LGR5: variants seen among roughly 807,000 people sequenced by gnomAD.
The protein encoded by LGR5 is leucine rich repeat containing G protein-coupled receptor 5.
A neutral mutation model predicts 76.7 loss-of-function variants in LGR5; 54 were observed. The observed-to-expected ratio is 0.70, with a 90% CI of 0.57 to 0.88. LGR5 has a LOEUF of 0.88. Among genes scored for constraint, LGR5 ranks in the 40% least tolerant of loss-of-function variants. The pLI, the probability that LGR5 is intolerant of heterozygous loss-of-function variation, is 0.00. For synonymous variants in LGR5, 406 were observed against 421.9 expected (o/e 0.96, Z 0.46); for missense variants, 1,078 against 1,073.3 (o/e 1.00, Z -0.06).
intron 3 of LGR5, among the ~76,000 whole-genome samples, chr12:71,525,997 T>C (rs1875984152): frequency 6.6e-6 from 1 of 152,060 alleles, no homozygotes; most frequent in Admixed American, 6.6e-5. Context: ...TTTCCCACAA[T>C]GCACTAAAGA....
At chr12:71,533,553 C>T (rs1876436180) in intron 3 of LGR5, among the ~76,000 whole-genome samples, 1 of 152,114 alleles carries the variant, frequency 6.6e-6, no homozygotes, top group South Asian at 2.1e-4. Flanking sequence ...CTTCCAATGG[C>T]TTCTGATGAA....
At chr12:71,475,562 C>T (rs2137250514) in intron 1 of LGR5, among the ~76,000 whole-genome samples, 1 of 152,200 alleles carries the variant, frequency 6.6e-6, no homozygotes, top group African/African-American at 2.4e-5. Flanking sequence ...ATTGTAGTTT[C>T]TGCAGAACAG....
intron 2 of LGR5, among the ~76,000 whole-genome samples, chr12:71,523,537 C>T (rs1346462609): frequency 6.6e-6 from 1 of 152,162 alleles, no homozygotes; most frequent in African/African-American, 2.4e-5. Context: ...CAGTTCTACT[C>T]ACCAGTCTCA....
At chr12:71,570,659 T>G (rs1364974555) in intron 11 of LGR5, among the ~76,000 whole-genome samples, 1 of 152,196 alleles carries the variant, frequency 6.6e-6, no homozygotes, top group Non-Finnish European at 1.5e-5. Context: ...CAGCTTCATT[T>G]GTACTATTTA....
chr12:71,571,603 A>C (rs200572559), intron 12 of LGR5, 24 bp downstream of exon 12: 23 of 1,554,304 alleles, frequency 1.5e-5, no homozygotes, highest in Non-Finnish European at 1.9e-5. Context: ...TCTCTAAGTC[A>C]CCTAGCAAAA....
At chr12:71,561,971 A>C in intron 8 of LGR5, 119 bp downstream of exon 8, 2 of 612,806 alleles carry the variant, frequency 3.3e-6, no homozygotes, top group Admixed American at 6.8e-5. Context: ...CTAAGAGTTC[A>C]TACAGAAAGG....
At chr12:71,567,795 T>C (rs1009183522) in intron 11 of LGR5, among the ~76,000 whole-genome samples, 1 of 152,174 alleles carries the variant, frequency 6.6e-6, no homozygotes, top group Non-Finnish European at 1.5e-5. Flanking sequence ...ATGGTAGCCT[T>C]GGAGTCAGTG....
At chr12:71,477,041 T>C (rs1443852733) in intron 1 of LGR5, among the ~76,000 whole-genome samples, 2 of 151,932 alleles carry the variant, frequency 1.3e-5, no homozygotes, top group Non-Finnish European at 2.9e-5. Flanking sequence ...AACAAATTTG[T>C]GAAATGTCTT....
Position 71,576,094 on chromosome 12 carries a change from C to G in LGR5, c.1209-1831C>G, listed in dbSNP as rs780917055. On this transcript the variant is annotated intron_variant, in intron 13 of 17. Coordinates refer to ENST00000266674, the MANE Select transcript of LGR5 (RefSeq NM_003667.4). ...CACACACCAGGGCCTATCAGGGTGG[C>G]AGGGGGAGGGAAAGCATCAGGATAA... Among the ~76,000 whole-genome samples, 28 of 152,086 alleles carry G rather than the reference C, an allele frequency of 1.8e-4. No individual in the cohort carries two copies. The Middle Eastern group carries it at 0.01, about 55-fold the overall frequency.
Position 71,585,955 on chromosome 12 carries a change from A to C in LGR5, c.*1221A>C, listed in dbSNP as rs1879300243. 6.6e-6 allele frequency: 1 copy of C among 152,224 alleles called. No individual in the cohort carries two copies. Among genetic ancestry groups the C allele is most frequent in the African/African-American group, 2.4e-5 (1 of 41,468 alleles). 9.4% of individuals were successfully genotyped at this position (152,224 alleles called of 1,614,324 possible). The stretch of plus-strand genomic sequence containing the variant: ...TATTATCCTATATTAGCTTCAATAC[A>C]TCCAAACCAAATGGCTGTTAGGTAG... On this transcript the variant is annotated 3_prime_UTR_variant, in exon 18 of 18. Coordinates refer to ENST00000266674, the MANE Select transcript of LGR5 (RefSeq NM_003667.4).
intron 2 of LGR5, among the ~76,000 whole-genome samples, chr12:71,508,706 A>G (rs1592500305): frequency 7.5e-6 from 1 of 133,790 alleles, no homozygotes; most frequent in African/African-American, 2.8e-5. Flanking sequence ...GCGAGCCAAG[A>G]TGGTGCCACT....
chr12:71,456,065 A>G (rs1309162015), intron 1 of LGR5, among the ~76,000 whole-genome samples: 1 of 152,194 alleles, frequency 6.6e-6, no homozygotes, highest in African/African-American at 2.4e-5. Context: ...AACATTGACT[A>G]TGAGAAATTT....
rs1879286509 is a variant in LGR5, at chr12:71,585,564, C to T, written c.*830C>T. The T allele has an allele frequency of 6.6e-6, 1 of 152,170 alleles. No homozygotes were observed. The highest frequency in any genetic ancestry group is 1.5e-5 in the Non-Finnish European group (1 of 68,022). 9.4% of individuals were successfully genotyped at this position (152,170 alleles called of 1,614,324 possible). A position where few individuals can be genotyped will look rare whatever the true frequency, so the allele number is the denominator to read the frequency against. ...GAACATACCTGGAAAAGAAAGTAAGCAATCTGGGATTTTTTTTCTGGGTTA... is the reference window on the plus strand; with the variant it reads ...GAACATACCTGGAAAAGAAAGTAAGTAATCTGGGATTTTTTTTCTGGGTTA... On this transcript the variant is annotated 3_prime_UTR_variant, in exon 18 of 18. Transcript: ENST00000266674.
intron 1 of LGR5, among the ~76,000 whole-genome samples, chr12:71,499,790 T>C (rs1443338666): frequency 6.6e-6 from 1 of 152,156 alleles, no homozygotes; most frequent in Admixed American, 6.5e-5. Context: ...GAGCCCTCTT[T>C]TAATTCATCT....
chr12:71,580,243 T>C (rs753941487), intron 15 of LGR5, 35 bp from the exon 16 acceptor site: 1 of 1,565,580 alleles, frequency 6.4e-7, no homozygotes, highest in East Asian at 2.3e-5. Context: ...TCCGTTTCTT[T>C]AAGTGTTTTT....
At chr12:71,476,957 G>A (rs2137252828) in intron 1 of LGR5, among the ~76,000 whole-genome samples, 1 of 152,190 alleles carries the variant, frequency 6.6e-6, no homozygotes, top group African/African-American at 2.4e-5. Flanking sequence ...TCAAGTGACA[G>A]AAAAGGAACT....
chr12:71,529,626 C>T (rs988994467), intron 3 of LGR5, among the ~76,000 whole-genome samples: 1 of 152,050 alleles, frequency 6.6e-6, no homozygotes, highest in Admixed American at 6.6e-5. Flanking sequence ...CTTTTGATCA[C>T]GTTATTTTTC....
chr12:71,566,392 G>T lies in LGR5; in HGVS notation c.858-12G>T. ...ATACTAAGATATTAATTGCTGTTTG[G>T]GTTTCTTTTAGACATTTCTATGACA... is the stretch of plus-strand genomic sequence containing the variant. On this transcript the variant is annotated splice_polypyrimidine_tract_variant and intron_variant, in intron 8 of 17. Coordinates refer to ENST00000266674, the MANE Select transcript of LGR5 (RefSeq NM_003667.4). 6.4e-7 allele frequency: 1 copy of T among 1,552,354 alleles called. No homozygotes were observed. Among genetic ancestry groups the T allele is most frequent in the Non-Finnish European group, 8.9e-7 (1 of 1,129,044 alleles).
At chr12:71,441,174 G>A (rs543496910) in intron 1 of LGR5, among the ~76,000 whole-genome samples, 32 of 152,160 alleles carry the variant, frequency 2.1e-4, no homozygotes, top group African/African-American at 6.3e-4. Context: ...CTGAGGCGGC[G>A]GCTCATTGCG....
Sources: allele counts gnomAD v4.1 joint callset (sites outside exome capture counted in the v4.1 genomes callset), GRCh38; gene constraint gnomAD v4.1.1; transcripts MANE v1.5; gene names NCBI Gene and HGNC (gene_info 2026-07-23, HGNC 2026-07-21).